SLC7A2: variants seen among roughly 807,000 people sequenced by gnomAD.
SLC7A2 encodes solute carrier family 7 member 2.
Under a neutral mutation model 58.9 loss-of-function variants are expected in SLC7A2, and 48 were observed. The ratio of observed to expected loss-of-function variants is 0.82; its 90% CI spans 0.65 to 1.04. SLC7A2 has a LOEUF of 1.04. Among genes scored for constraint, SLC7A2 ranks in the 50% least tolerant of loss-of-function variants. The pLI is 0.00. For synonymous variants in SLC7A2, 363 were observed against 314.5 expected (o/e 1.15, Z -1.63); for missense variants, 1,029 against 818.8 (o/e 1.26, Z -3.13).
chr8:17,503,309 C>T (rs1425751076), intron 2 of SLC7A2, among the ~76,000 whole-genome samples: 1 of 152,116 alleles, frequency 6.6e-6, no homozygotes, highest in Non-Finnish European at 1.5e-5. Flanking sequence ...CTCGGCCTCC[C>T]AAAGTGCTGG....
intron 12 of SLC7A2, 101 bp from the exon 13 acceptor site, chr8:17,564,849 G>T (rs1014319346): frequency 3.2e-5 from 32 of 1,010,264 alleles, no homozygotes; most frequent in Non-Finnish European, 4.5e-5. Context: ...AGAAAGGAAA[G>T]AGACAAACTC....
rs773498847 is a variant in SLC7A2, at chr8:17,561,904, C to A, written c.1505-40C>A. ...TTTGCACCAAGCAATCTGGGTGGAG[C>A]ACAGTGTGCTGACTCTGTTATCTAC... On this transcript the variant is annotated intron_variant, in intron 10 of 12. Coordinates refer to ENST00000494857, the MANE Select transcript of SLC7A2 (RefSeq NM_001370338.1). 3.8e-6 allele frequency: 6 copies of A among 1,597,632 alleles called. No individual in the cohort carries two copies. The African/African-American group carries it at 6.7e-5, about 18-fold the overall frequency.
chr8:17,537,621 T>TA (rs1460156107), intron 2 of SLC7A2, among the ~76,000 whole-genome samples: 2 of 151,800 alleles, frequency 1.3e-5, no homozygotes, highest in Non-Finnish European at 2.9e-5. Flanking sequence ...CCAGGTAAGG[T>TA]AAAAAATTCT....
intron 3 of SLC7A2, among the ~76,000 whole-genome samples, chr8:17,543,967 C>A (rs969757444): frequency 2.6e-5 from 4 of 152,222 alleles, no homozygotes; most frequent in Non-Finnish European, 5.9e-5. Context: ...CTCCTGGCTT[C>A]AAGCGATTCT....
At chr8:17,532,229 CAAAAAAAAAAAA>C (rs534441508) in intron 2 of SLC7A2, among the ~76,000 whole-genome samples, 4,372 of 46,210 alleles carry the variant, frequency 0.095, 145 homozygotes, top group East Asian at 0.22. Context: ...GACTCTATCT[CAAAAAAAAAAAA>C]AAAAAAAAAA....
rs1563474388 is a variant in SLC7A2, at chr8:17,551,937, C to A, written c.1006C>A (p.Pro336Thr). The A allele has an allele frequency of 6.2e-7, 1 of 1,613,976 alleles. No homozygotes were observed. Among genetic ancestry groups the A allele is most frequent in the Non-Finnish European group, 8.5e-7 (1 of 1,180,004 alleles). The change falls in exon 7 of 13, where the codon CCT (proline) becomes ACT (threonine). Residue 336 changes from proline (P) to threonine (T), a missense_variant. Transcript: ENST00000494857. ...AGCGTTTGAATATGTGGGATGGGGT[C>A]CTGCCAAATATGTCGTCGCAGCTGG... ...PVAFEYVGWG[P>T]AKYVVAAGSL... is the part of the protein sequence containing the mutation.
intron 2 of SLC7A2, among the ~76,000 whole-genome samples, chr8:17,531,380 A>G (rs1479432862): frequency 6.6e-6 from 1 of 152,342 alleles, no homozygotes; most frequent in Non-Finnish European, 1.5e-5. Flanking sequence ...GTAACAAAAG[A>G]TTAAAAAATG....
intron 7 of SLC7A2, among the ~76,000 whole-genome samples, chr8:17,552,248 C>CAT (rs568940654): frequency 1.3e-4 from 19 of 151,118 alleles, no homozygotes; most frequent in African/African-American, 4.6e-4. Context: ...TACACACAGA[C>CAT]ACACACACAC....
chr8:17,516,995 A>G (rs1800830156), intron 2 of SLC7A2, among the ~76,000 whole-genome samples: 1 of 152,198 alleles, frequency 6.6e-6, no homozygotes, highest in Admixed American at 6.5e-5. Flanking sequence ...GGACTTTGAA[A>G]TAGGGGACAG....
intron 10 of SLC7A2, among the ~76,000 whole-genome samples, chr8:17,561,673 T>C (rs1384206375): frequency 6.6e-6 from 1 of 152,180 alleles, no homozygotes; most frequent in Non-Finnish European, 1.5e-5. Context: ...AGATGGCACG[T>C]GGGCAGATAA....
intron 2 of SLC7A2, among the ~76,000 whole-genome samples, chr8:17,517,921 C>T (rs1437071775): frequency 2.0e-5 from 3 of 152,024 alleles, no homozygotes; most frequent in East Asian, 1.9e-4. Flanking sequence ...GCCACACAGA[C>T]CTTAGGTTCA....
chr8:17,561,465 C>T (rs868152214), intron 10 of SLC7A2, among the ~76,000 whole-genome samples: 1 of 152,162 alleles, frequency 6.6e-6, no homozygotes, highest in African/African-American at 2.4e-5. Flanking sequence ...AATTATCTTG[C>T]ACTGGGTTCC....
chr8:17,536,218 G>A (rs890042704), intron 2 of SLC7A2, among the ~76,000 whole-genome samples: 2 of 152,100 alleles, frequency 1.3e-5, no homozygotes, highest in Admixed American at 1.3e-4. Context: ...AGTGGGCATT[G>A]GGAGAAATGA....
intron 11 of SLC7A2, among the ~76,000 whole-genome samples, chr8:17,562,438 C>T (rs892557695): frequency 5.9e-5 from 9 of 151,982 alleles, no homozygotes; most frequent in Admixed American, 6.6e-5. Context: ...CTCCTGACCT[C>T]AAATAATCCA....
chr8:17,496,227 C>T (rs1585166596), upstream of SLC7A2, among the ~76,000 whole-genome samples: 2 of 152,204 alleles, frequency 1.3e-5, 1 homozygote, highest in Admixed American at 1.3e-4. Flanking sequence ...GAGGCTGAGG[C>T]GGGAGGATAG....
At chr8:17,528,204 A>G (rs540847918) in intron 2 of SLC7A2, among the ~76,000 whole-genome samples, 6 of 152,292 alleles carry the variant, frequency 3.9e-5, no homozygotes, top group East Asian at 1.9e-4. Flanking sequence ...AGCTCCGTAC[A>G]CTGTCGAGGT....
intron 2 of SLC7A2, among the ~76,000 whole-genome samples, chr8:17,510,210 ACT>A (rs1800545799): frequency 6.7e-6 from 1 of 149,604 alleles, no homozygotes; most frequent in Non-Finnish European, 1.5e-5. Flanking sequence ...ACAGAGCAAG[ACT>A]CTGTCTCAAA....
chr8:17,568,154 C>T lies in SLC7A2; in HGVS notation c.*3008C>T, dbSNP rs1202354412. 6.6e-6 allele frequency: 1 copy of T among 151,894 alleles called. No individual in the cohort carries two copies. The highest frequency in any genetic ancestry group is 1.5e-5 in the Non-Finnish European group (1 of 67,996). The allele number at this position is 151,894 out of a possible 1,614,324, so 9.4% of individuals were successfully genotyped here. On this transcript the variant is annotated 3_prime_UTR_variant, in exon 13 of 13. Coordinates refer to ENST00000494857, the MANE Select transcript of SLC7A2 (RefSeq NM_001370338.1). ...TTCTTTTGTGATTGAGTAAAAGCAG[C>T]TTAAATTACTTTTCTTTTCTACATT...
At chr8:17,501,220 C>T (rs1475592454) in intron 1 of SLC7A2, among the ~76,000 whole-genome samples, 1 of 151,958 alleles carries the variant, frequency 6.6e-6, no homozygotes, top group Non-Finnish European at 1.5e-5. Flanking sequence ...CACCATGTTG[C>T]CCAGGTTGGT....
Sources: allele counts gnomAD v4.1 joint callset (sites outside exome capture counted in the v4.1 genomes callset), GRCh38; gene constraint gnomAD v4.1.1; transcripts MANE v1.5; gene names NCBI Gene and HGNC (gene_info 2026-07-23, HGNC 2026-07-21).